The following MOXD1 variants were observed in gnomAD, a reference collection of about 807,000 sequenced individuals.
MOXD1 encodes the protein DBH-like monooxygenase protein 1.
Under a neutral mutation model 66.6 loss-of-function variants are expected in MOXD1, and 62 were observed. The ratio of observed to expected loss-of-function variants is 0.93; its 90% CI spans 0.76 to 1.15. The LOEUF is 1.15. Among genes scored for constraint, MOXD1 ranks in the 50% most tolerant of loss-of-function variants. The pLI is 0.00. For synonymous variants in MOXD1, 303 were observed against 281.9 expected (o/e 1.07, Z -0.75); for missense variants, 847 against 754.6 (o/e 1.12, Z -1.44).
chr6:132,389,274 C>T lies in MOXD1; in HGVS notation c.264+11889G>A, dbSNP rs139527257. On this transcript the variant is annotated intron_variant, in intron 1 of 11. Transcript: ENST00000367963. The stretch of plus-strand genomic sequence containing the variant: ...CAGAAGGGTTTCCATGCCAGGAAAA[C>T]CAAGCTTATTTTCCTATCTTAAAAA... 1.3e-5 allele frequency among the ~76,000 whole-genome samples: 2 copies of T among 151,560 alleles called. 1 individual carries two copies. The highest frequency in any genetic ancestry group is 3.0e-5 in the Non-Finnish European group (2 of 67,734).
At chr6:132,302,813 T>A (rs1219962094) in intron 10 of MOXD1, among the ~76,000 whole-genome samples, 1 of 152,132 alleles carries the variant, frequency 6.6e-6, no homozygotes, top group Non-Finnish European at 1.5e-5. Context: ...TATAAAACTA[T>A]AATAATTAAA....
chr6:132,354,730 C>T (rs562338024), intron 4 of MOXD1, among the ~76,000 whole-genome samples: 3 of 152,174 alleles, frequency 2.0e-5, no homozygotes, highest in South Asian at 4.1e-4. Context: ...GAGTATATAG[C>T]GTTTGTCTTC....
At chr6:132,363,424 TTTAC>T (rs1776055462) in intron 4 of MOXD1, among the ~76,000 whole-genome samples, 1 of 152,142 alleles carries the variant, frequency 6.6e-6, no homozygotes, top group Non-Finnish European at 1.5e-5. Context: ...TTCTGACAAG[TTTAC>T]TTAAAGAACT....
At chr6:132,311,481 C>T (rs996748932) in intron 10 of MOXD1, among the ~76,000 whole-genome samples, 1 of 151,588 alleles carries the variant, frequency 6.6e-6, no homozygotes, top group Non-Finnish European at 1.5e-5. Flanking sequence ...AAAGTATAAA[C>T]GTCTCCATCT....
intron 4 of MOXD1, among the ~76,000 whole-genome samples, chr6:132,349,438 T>TATAC (rs1562290010): frequency 5.4e-4 from 8 of 14,684 alleles, no homozygotes; most frequent in African/African-American, 3.4e-3. Flanking sequence ...TATATATACA[T>TATAC]ATATATATAT....
intron 4 of MOXD1, among the ~76,000 whole-genome samples, chr6:132,357,842 A>G (rs1775938704): frequency 6.6e-6 from 1 of 152,156 alleles, no homozygotes; most frequent in African/African-American, 2.4e-5. Flanking sequence ...TATGACCTAA[A>G]TTTCAATCTC....
At chr6:132,396,980 C>A (rs1373795775) in intron 1 of MOXD1, among the ~76,000 whole-genome samples, 2 of 152,168 alleles carry the variant, frequency 1.3e-5, no homozygotes, top group African/African-American at 4.8e-5. Flanking sequence ...GTCTACATTC[C>A]CTCTTGAATC....
At position 132,328,471 on chromosome 6, in the gene MOXD1, G is replaced by T; in HGVS notation, c.787C>A (p.Pro263Thr). 1 of 1,614,116 alleles carries T rather than the reference G, an allele frequency of 6.2e-7. No homozygotes were observed. The highest frequency in any genetic ancestry group is 1.6e-4 in the Middle Eastern group (1 of 6,062). ...SGHECYHPNM[P>T]DAFLTCETVI... ...GTTTCACAGGTGAGGAATGCATCGG[G>T]CATGTTGGGGTGATAGCACTCGTGG... Residue 263 changes from proline to threonine, a missense_variant, in exon 5 of 12, where the codon CCC (proline) becomes ACC (threonine). By Grantham distance (38) the Pro-to-Thr change is conservative. Coordinates refer to ENST00000367963, the MANE Select transcript of MOXD1 (RefSeq NM_015529.4).
chr6:132,321,836 T>C (rs1463458247), intron 8 of MOXD1, among the ~76,000 whole-genome samples: 1 of 152,184 alleles, frequency 6.6e-6, no homozygotes, highest in Non-Finnish European at 1.5e-5. Flanking sequence ...ATTTCTAAGA[T>C]CCAAAGCTAT....
chr6:132,343,220 A>G (rs1403201647), intron 4 of MOXD1, among the ~76,000 whole-genome samples: 2 of 152,202 alleles, frequency 1.3e-5, no homozygotes, highest in African/African-American at 2.4e-5. Context: ...TTAATATAAA[A>G]AGTTCTGATA....
chr6:132,301,977 A>T (rs1774550492), intron 10 of MOXD1, among the ~76,000 whole-genome samples: 1 of 152,194 alleles, frequency 6.6e-6, no homozygotes. Flanking sequence ...TGACGATCTC[A>T]ATAAGTTAAG....
chr6:132,300,939 C>T (rs1010320723), intron 10 of MOXD1, among the ~76,000 whole-genome samples: 4 of 152,100 alleles, frequency 2.6e-5, no homozygotes, highest in African/African-American at 9.7e-5. Flanking sequence ...TCTAACCTTT[C>T]TAGCCTATCC....
intron 4 of MOXD1, among the ~76,000 whole-genome samples, chr6:132,343,804 A>T (rs1775613244): frequency 6.6e-6 from 1 of 152,174 alleles, no homozygotes; most frequent in South Asian, 2.1e-4. Flanking sequence ...ATTGTTATTT[A>T]AATTATATTA....
chr6:132,397,516 G>T (rs1369224900), intron 1 of MOXD1, among the ~76,000 whole-genome samples: 1 of 152,100 alleles, frequency 6.6e-6, no homozygotes, highest in Non-Finnish European at 1.5e-5. Context: ...AGCTGAAATT[G>T]TGTGTGAGTG....
chr6:132,385,216 T>G lies in MOXD1; in HGVS notation c.265-10439A>C, dbSNP rs1248937175. Among the ~76,000 whole-genome samples, 22 of 152,104 alleles carry G rather than the reference T, an allele frequency of 1.4e-4. No homozygotes were observed. In the East Asian group the frequency reaches 4.1e-3, roughly 28 times the overall value. On this transcript the variant is annotated intron_variant, in intron 1 of 11. Coordinates refer to ENST00000367963, the MANE Select transcript of MOXD1 (RefSeq NM_015529.4). Reference sequence around the variant, plus strand: ...GGTTGGAGTTTAGTCAGGTTAAGTTTAAGATGCCTACCCAGAAGGAAGGCC... The same window carrying G: ...GGTTGGAGTTTAGTCAGGTTAAGTTGAAGATGCCTACCCAGAAGGAAGGCC...
At chr6:132,380,036 G>A (rs1057461871) in intron 1 of MOXD1, among the ~76,000 whole-genome samples, 6 of 152,132 alleles carry the variant, frequency 3.9e-5, no homozygotes, top group Admixed American at 2.0e-4. Context: ...ACAGGTGTAA[G>A]CCACCATGCC....
intron 1 of MOXD1, among the ~76,000 whole-genome samples, chr6:132,393,727 TG>T (rs1417677787): frequency 5.9e-5 from 9 of 152,312 alleles, no homozygotes; most frequent in Non-Finnish European, 1.2e-4. Flanking sequence ...GAATGTGTTC[TG>T]CCTGGGGGCC....
intron 4 of MOXD1, among the ~76,000 whole-genome samples, chr6:132,365,295 T>C (rs1449797165): frequency 6.6e-6 from 1 of 152,092 alleles, no homozygotes; most frequent in African/African-American, 2.4e-5. Context: ...TCCAAACTTA[T>C]CCTCCAAGTC....
At chr6:132,372,019 T>G (rs973936500) in intron 4 of MOXD1, among the ~76,000 whole-genome samples, 1 of 152,186 alleles carries the variant, frequency 6.6e-6, no homozygotes, top group East Asian at 1.9e-4. Flanking sequence ...AAAATATTTG[T>G]TCATTCGCTA....
Sources: allele counts gnomAD v4.1 joint callset (sites outside exome capture counted in the v4.1 genomes callset), GRCh38; gene constraint gnomAD v4.1.1; transcripts MANE v1.5; gene names NCBI Gene and HGNC (gene_info 2026-07-23, HGNC 2026-07-21).